ZNF609: variants seen among roughly 807,000 people sequenced by gnomAD.
The protein encoded by ZNF609 is zinc finger protein 609.
ZNF609 carries 11 observed loss-of-function variants against 109.5 expected under a neutral mutation model. The observed-to-expected ratio is 0.10, with a 90% CI of 0.06 to 0.17. The LOEUF (loss-of-function observed/expected upper bound fraction) is 0.17. Among genes scored for constraint, ZNF609 ranks in the 10% least tolerant of loss-of-function variants. The pLI is 1.00. For synonymous variants in ZNF609, 646 were observed against 662.0 expected (o/e 0.98, Z 0.37); for missense variants, 1,559 against 1,772.4 (o/e 0.88, Z 2.16).
At chr15:64,573,118 A>G (rs976737508) in intron 2 of ZNF609, among the ~76,000 whole-genome samples, 1 of 152,114 alleles carries the variant, frequency 6.6e-6, no homozygotes, top group African/African-American at 2.4e-5. Context: ...ACATGAATAA[A>G]TATTTGTAGA....
chr15:64,611,820 G>A (rs1278677596), intron 2 of ZNF609, among the ~76,000 whole-genome samples: 1 of 150,864 alleles, frequency 6.6e-6, no homozygotes, highest in African/African-American at 2.4e-5. Flanking sequence ...TGCAACCTCT[G>A]CCTCCCGGGT....
rs139120759 is a variant in ZNF609, at chr15:64,489,342, C to T, written c.-127-9951C>T. On this transcript the variant is annotated intron_variant, in intron 1 of 9. Transcript: ENST00000326648. ...CTGGGATTACAGGCACCTGCCACCG[C>T]GCCCGGCTAATTTTTTTTTAGTAGA... Among the ~76,000 whole-genome samples, 590 of 144,556 alleles carry T rather than the reference C, an allele frequency of 4.1e-3. 6 individuals are homozygous for T. The highest frequency in any genetic ancestry group is 0.015 in the African/African-American group (567 of 39,008). The allele number at this position is 144,556 out of a possible 152,430, so 94.8% of individuals were successfully genotyped here.
chr15:64,470,439 A>G (rs952002249), intron 1 of ZNF609: 5 of 152,222 alleles, frequency 3.3e-5, no homozygotes, highest in Non-Finnish European at 7.3e-5. Flanking sequence ...CCCTCCTAAA[A>G]GAGACGAGAA....
At chr15:64,622,685 C>A in intron 2 of ZNF609, 142 bp from the exon 3 acceptor site, 1 of 702,834 alleles carries the variant, frequency 1.4e-6, no homozygotes, top group Non-Finnish European at 2.5e-6. Flanking sequence ...TAAGCCAGAA[C>A]TTGAAAGGAA....
intron 3 of ZNF609, among the ~76,000 whole-genome samples, chr15:64,652,195 T>G (rs957907882): frequency 1.3e-5 from 2 of 152,008 alleles, no homozygotes; most frequent in African/African-American, 2.4e-5. Context: ...GACTAATTTT[T>G]GTATTTTTGG....
intron 2 of ZNF609, chr15:64,501,937 G>A (rs374959391): frequency 6.6e-6 from 1 of 152,316 alleles, no homozygotes; most frequent in African/African-American, 2.4e-5. Context: ...GACTGATTGG[G>A]TGGCTGCCCT....
At chr15:64,616,015 C>T (rs964473147) in intron 2 of ZNF609, among the ~76,000 whole-genome samples, 1 of 152,122 alleles carries the variant, frequency 6.6e-6, no homozygotes, top group Non-Finnish European at 1.5e-5. Flanking sequence ...AATATCTCTT[C>T]AATGAATTTC....
chr15:64,575,964 C>T (rs921771130), intron 2 of ZNF609, among the ~76,000 whole-genome samples: 2 of 152,028 alleles, frequency 1.3e-5, no homozygotes, highest in African/African-American at 2.4e-5. Flanking sequence ...TAGTCAGGCG[C>T]GGTGGCGGGC....
At chr15:64,650,113 C>CAAA (rs546871709) in intron 3 of ZNF609, among the ~76,000 whole-genome samples, 13 of 85,402 alleles carry the variant, frequency 1.5e-4, no homozygotes, top group South Asian at 3.6e-4. Context: ...GAACCCATCT[C>CAAA]AAAAAAAAAA....
upstream of ZNF609, among the ~76,000 whole-genome samples, chr15:64,459,658 C>A (rs187326209): frequency 6.6e-6 from 1 of 152,188 alleles, no homozygotes; most frequent in East Asian, 1.9e-4. Flanking sequence ...ATAAAATGGT[C>A]AAGGACACAG....
rs1411163165 is a variant in ZNF609 at position 64,500,564 on chromosome 15, T to A, written c.747+398T>A. ...CAGACTCATAATAGTTGATAAACAA[T>A]ACGCCTTTGGTGATAATGTAGATTG... On this transcript the variant is annotated intron_variant, in intron 2 of 9. Coordinates refer to ENST00000326648, the MANE Select transcript of ZNF609 (RefSeq NM_015042.2). 8 of 605,396 alleles carry A rather than the reference T, an allele frequency of 1.3e-5. No individual in the cohort carries two copies. The Admixed American group carries it at 2.3e-4, about 18-fold the overall frequency. The allele number at this position is 605,396 out of a possible 1,614,324, so 37.5% of individuals were successfully genotyped here.
intron 3 of ZNF609, among the ~76,000 whole-genome samples, chr15:64,625,247 C>T (rs1895934897): frequency 6.6e-6 from 1 of 152,054 alleles, no homozygotes; most frequent in Admixed American, 6.6e-5. Context: ...CATCTGACAC[C>T]TATAGTAGTA....
At chr15:64,670,631 C>A (rs1384902765) in intron 4 of ZNF609, among the ~76,000 whole-genome samples, 198 bp downstream of exon 4, 2 of 152,104 alleles carry the variant, frequency 1.3e-5, no homozygotes, top group Admixed American at 1.3e-4. Flanking sequence ...GTAATCCCAG[C>A]ACTTTGGGAG....
At chr15:64,605,173 G>A (rs1019448079) in intron 2 of ZNF609, among the ~76,000 whole-genome samples, 3 of 152,116 alleles carry the variant, frequency 2.0e-5, no homozygotes, top group Non-Finnish European at 4.4e-5. Context: ...TGTGAGTCTG[G>A]CAAAATGGCC....
chr15:64,499,780 G>A lies in ZNF609; in HGVS notation c.361G>A (p.Val121Met), dbSNP rs1427621776. 7.4e-6 allele frequency: 12 copies of A among 1,613,972 alleles called. No homozygotes were observed. Among genetic ancestry groups the A allele is most frequent in the African/African-American group, 1.3e-5 (1 of 74,926 alleles). The change falls in exon 2 of 10, where the codon GTG (valine) becomes ATG (methionine). Residue 121 changes from valine (V) to methionine (M), a missense_variant. Around this residue, in one of 4 missense-constraint regions of ZNF609, gnomAD observed 291 missense variants for 317.8 expected, o/e 0.92. Transcript: ENST00000326648. ...PSEGAASKKE[V>M]QGRSGDGANA... ...TGAGGGGGCAGCTAGCAAGAAAGAGGTGCAGGGGCGCTCAGGAGATGGTGC... is the reference window on the plus strand; with the variant it reads ...TGAGGGGGCAGCTAGCAAGAAAGAGATGCAGGGGCGCTCAGGAGATGGTGC...
intron 2 of ZNF609, among the ~76,000 whole-genome samples, chr15:64,566,478 G>A (rs1894779395): frequency 6.6e-6 from 1 of 152,166 alleles, no homozygotes; most frequent in African/African-American, 2.4e-5. Context: ...GTGTAGGTAG[G>A]TACTTCAAAA....
intron 2 of ZNF609, among the ~76,000 whole-genome samples, chr15:64,517,104 G>A (rs1051183210): frequency 1.3e-5 from 2 of 152,124 alleles, no homozygotes; most frequent in Admixed American, 6.5e-5. Flanking sequence ...GGCTGGGTAC[G>A]CTGGCTCACT....
chr15:64,540,924 A>C (rs576747504), intron 2 of ZNF609, among the ~76,000 whole-genome samples: 3 of 148,136 alleles, frequency 2.0e-5, no homozygotes, highest in South Asian at 4.3e-4. Flanking sequence ...GCTACTTGGG[A>C]GGCTGAGGCA....
intron 2 of ZNF609, among the ~76,000 whole-genome samples, chr15:64,554,324 G>A (rs1003388047): frequency 6.6e-6 from 1 of 152,108 alleles, no homozygotes. Flanking sequence ...GGGTTATCCA[G>A]ATAAATACAT....
Sources: allele counts gnomAD v4.1 joint callset (sites outside exome capture counted in the v4.1 genomes callset), GRCh38; gene constraint gnomAD v4.1.1; regional missense constraint gnomAD v4.1.1; transcripts MANE v1.5; gene names NCBI Gene and HGNC (gene_info 2026-07-23, HGNC 2026-07-21).